The following ODAPH variants were observed in gnomAD, a reference collection of about 807,000 sequenced individuals.
ODAPH encodes odontogenesis associated phosphoprotein.
A neutral mutation model predicts 2.8 loss-of-function variants in ODAPH; 2 were observed. That is an observed-to-expected ratio of 0.72 (90% CI 0.30 to 2.28). ODAPH has a LOEUF of 2.28. Ranked by LOEUF, ODAPH falls within the 30% of genes most tolerant of loss-of-function variation. The pLI is 0.13. For synonymous variants in ODAPH, 75 were observed against 60.3 expected (o/e 1.24, Z -1.13); for missense variants, 159 against 163.3 (o/e 0.97, Z 0.14).
chr4:75,556,551 T>C (rs1727346196), intron 1 of ODAPH: 8 of 1,535,120 alleles, frequency 5.2e-6, no homozygotes, highest in Non-Finnish European at 7.0e-6. Context: ...CACTGTCCAC[T>C]TTCTATCTCC....
chr4:75,556,421 G>A (rs1423105961), intron 1 of ODAPH: 6 of 812,602 alleles, frequency 7.4e-6, no homozygotes, highest in East Asian at 2.7e-5. Context: ...AATATCCATC[G>A]TTATGGGGTT....
rs747540711 is a variant in ODAPH at position 75,564,316 on chromosome 4, C to G, written c.270C>G (p.Phe90Leu). Reference sequence around the variant, plus strand: ...ATTTTAGGTTTCCAAACAGACCTTTCGTCCCTTCAAGGTGTAACCACCGTT... The same window carrying G: ...ATTTTAGGTTTCCAAACAGACCTTTGGTCCCTTCAAGGTGTAACCACCGTT... ...RIHFRFPNRP[F>L]VPSRCNHRFP... The change falls in exon 2 of 2, where the codon TTC becomes TTG. Residue 90 changes from phenylalanine (F) to leucine (L), a missense_variant. By Grantham distance (22) the Phe-to-Leu change is conservative (BLOSUM62 0). Coordinates refer to ENST00000311623, the MANE Select transcript of ODAPH (RefSeq NM_178497.5). 6.2e-7 allele frequency: 1 copy of G among 1,614,144 alleles called. No homozygotes were observed. The highest frequency in any genetic ancestry group is 8.5e-7 in the Non-Finnish European group (1 of 1,180,016).
intron 1 of ODAPH, among the ~76,000 whole-genome samples, chr4:75,563,813 T>C (rs193102160): frequency 6.6e-6 from 1 of 152,310 alleles, no homozygotes; most frequent in East Asian, 1.9e-4. Context: ...CATTCTTCTG[T>C]TGATGGACAC....
At chr4:75,561,164 C>T (rs1427582089) in intron 1 of ODAPH, among the ~76,000 whole-genome samples, 3 of 138,438 alleles carry the variant, frequency 2.2e-5, no homozygotes, top group African/African-American at 8.3e-5. Context: ...GCGGAGCTTG[C>T]AGTGAGCCGA....
intron 1 of ODAPH, among the ~76,000 whole-genome samples, chr4:75,560,129 A>G (rs1368189651): frequency 6.6e-6 from 1 of 152,202 alleles, no homozygotes; most frequent in Non-Finnish European, 1.5e-5. Flanking sequence ...GGAAGGAGGC[A>G]GGGTTAGATT....
At chr4:75,560,827 G>A (rs1488899621) in intron 1 of ODAPH, among the ~76,000 whole-genome samples, 3 of 152,112 alleles carry the variant, frequency 2.0e-5, no homozygotes, top group African/African-American at 4.8e-5. Flanking sequence ...GGGTGGGTGG[G>A]TGGTTTTTAA....
rs1727743111 is a variant in ODAPH at position 75,564,626 on chromosome 4, G to A, written c.*187G>A. 9.9e-6 allele frequency: 13 copies of A among 1,314,590 alleles called. No individual in the cohort carries two copies. Among genetic ancestry groups the A allele is most frequent in the Non-Finnish European group, 1.3e-5 (13 of 975,474 alleles). 81.4% of individuals were successfully genotyped at this position (1,314,590 alleles called of 1,614,324 possible). A position where few individuals can be genotyped will look rare whatever the true frequency, so the allele number is the denominator to read the frequency against. On this transcript the variant is annotated 3_prime_UTR_variant, in exon 2 of 2. Transcript: ENST00000311623. Reference sequence around the variant, plus strand: ...TGAAGATATTGGATCATAGGTTATTGATGGTTGCAAAATTGGACAATAACC... The same window carrying A: ...TGAAGATATTGGATCATAGGTTATTAATGGTTGCAAAATTGGACAATAACC...
In ODAPH at chr4:75,564,206, C is replaced by A; in HGVS notation, c.160C>A (p.Pro54Thr). Residue 54 changes from proline (P) to threonine (T), a missense_variant, in exon 2 of 2, where the codon CCG (proline) becomes ACG (threonine). Coordinates refer to ENST00000311623, the MANE Select transcript of ODAPH (RefSeq NM_178497.5). ...QIFTLTPPPA[P>T]RSPVTRAQPI... is the part of the protein sequence containing the mutation. ...CTTTACACTCACCCCTCCACCTGCC[C>A]CGAGGAGTCCGGTCACAAGGGCCCA... 2 of 1,614,220 alleles carry A rather than the reference C, an allele frequency of 1.2e-6. No individual in the cohort carries two copies. The highest frequency in any genetic ancestry group is 1.7e-6 in the Non-Finnish European group (2 of 1,180,034).
Position 75,561,414 on chromosome 4 carries a change from T to C in ODAPH, c.68-2700T>C, listed in dbSNP as rs189053361. Among the ~76,000 whole-genome samples the C allele has an allele frequency of 1.6e-4, 24 of 152,238 alleles. No individual in the cohort carries two copies. The East Asian group carries it at 4.6e-3, about 29-fold the overall frequency. ...AGAATTTCAATGTACCCTGAGTAGCTGTGGGAGAAGGGGTTGGTATTTTGT... is the reference window on the plus strand; with the variant it reads ...AGAATTTCAATGTACCCTGAGTAGCCGTGGGAGAAGGGGTTGGTATTTTGT... On this transcript the variant is annotated intron_variant, in intron 1 of 1. Coordinates refer to ENST00000311623, the MANE Select transcript of ODAPH (RefSeq NM_178497.5).
chr4:75,557,182 A>C (rs1405415555), intron 1 of ODAPH, among the ~76,000 whole-genome samples: 1 of 152,240 alleles, frequency 6.6e-6, no homozygotes, highest in African/African-American at 2.4e-5. Context: ...CAAGGCCCCC[A>C]AGCCTCACCT....
intron 1 of ODAPH, among the ~76,000 whole-genome samples, chr4:75,560,810 A>T (rs1382170215): frequency 6.6e-6 from 1 of 152,188 alleles, no homozygotes; most frequent in Non-Finnish European, 1.5e-5. Context: ...AAATGAGCAC[A>T]AGAGGCGGGT....
At position 75,564,190 on chromosome 4, in the gene ODAPH, C is replaced by A; in HGVS notation, c.144C>A (p.Leu48=). 6 of 1,614,184 alleles carry A rather than the reference C, an allele frequency of 3.7e-6. No individual in the cohort carries two copies. Among genetic ancestry groups the A allele is most frequent in the Non-Finnish European group, 5.1e-6 (6 of 1,180,014 alleles). ...ADATDCQIFT[L]TPPPAPRSPV... ...CTACCGACTGCCAGATCTTTACACTCACCCCTCCACCTGCCCCGAGGAGTC... is the reference window on the plus strand; with the variant it reads ...CTACCGACTGCCAGATCTTTACACTAACCCCTCCACCTGCCCCGAGGAGTC... Residue 48 remains leucine, a synonymous_variant, in exon 2 of 2, where the codon CTC becomes CTA. Coordinates refer to ENST00000311623, the MANE Select transcript of ODAPH (RefSeq NM_178497.5).
At chr4:75,559,141 G>T (rs1727463481) in intron 1 of ODAPH, among the ~76,000 whole-genome samples, 2 of 152,194 alleles carry the variant, frequency 1.3e-5, no homozygotes, top group Admixed American at 6.5e-5. Flanking sequence ...CTATAAGCCA[G>T]GGACTATTCT....
chr4:75,560,693 A>G (rs940294335), intron 1 of ODAPH, among the ~76,000 whole-genome samples: 1 of 152,224 alleles, frequency 6.6e-6, no homozygotes, highest in Admixed American at 6.5e-5. Flanking sequence ...AAAAGAGAGC[A>G]CTGAACACTA....
chr4:75,559,037 A>G (rs946081006), intron 1 of ODAPH, among the ~76,000 whole-genome samples: 2 of 152,196 alleles, frequency 1.3e-5, no homozygotes, highest in Admixed American at 1.3e-4. Flanking sequence ...TCTGCGACTG[A>G]AATTAAATAC....
In ODAPH at chr4:75,564,767, C is replaced by G; in HGVS notation, c.*328C>G. 2 of 517,862 alleles carry G rather than the reference C, an allele frequency of 3.9e-6. No individual in the cohort carries two copies. The highest frequency in any genetic ancestry group is 6.8e-6 in the Non-Finnish European group (2 of 292,108). The allele number at this position is 517,862 out of a possible 1,614,324, so 32.1% of individuals were successfully genotyped here. A position where few individuals can be genotyped will look rare whatever the true frequency, so the allele number is the denominator to read the frequency against. On this transcript the variant is annotated 3_prime_UTR_variant, in exon 2 of 2. Coordinates refer to ENST00000311623, the MANE Select transcript of ODAPH (RefSeq NM_178497.5). ...CTAAGATGCTGAGAGAATCCATCTC[C>G]TCCTCTAAATTAAACAGGATTTAAA... is the stretch of plus-strand genomic sequence containing the variant.
intron 1 of ODAPH, 110 bp from the exon 2 acceptor site, chr4:75,564,004 G>A: frequency 2.1e-6 from 2 of 952,554 alleles, no homozygotes; most frequent in South Asian, 3.0e-5. Context: ...AATATACATT[G>A]AGATTTCTCT....
chr4:75,558,779 T>A (rs1214707096), intron 1 of ODAPH, among the ~76,000 whole-genome samples: 3 of 152,206 alleles, frequency 2.0e-5, no homozygotes, highest in African/African-American at 7.2e-5. Flanking sequence ...CACTGCAACC[T>A]CCGCCTCCTG....
intron 1 of ODAPH, 99 bp from the exon 2 acceptor site, chr4:75,564,015 A>C: frequency 9.6e-7 from 1 of 1,042,680 alleles, no homozygotes; most frequent in Non-Finnish European, 1.5e-6. Flanking sequence ...AGATTTCTCT[A>C]ATTCTCTCTT....
Sources: allele counts gnomAD v4.1 joint callset (sites outside exome capture counted in the v4.1 genomes callset), GRCh38; gene constraint gnomAD v4.1.1; transcripts MANE v1.5; gene names NCBI Gene and HGNC (gene_info 2026-07-23, HGNC 2026-07-21).